DRC4: variants seen among roughly 807,000 people sequenced by gnomAD.
DRC4 encodes dynein regulatory complex subunit 4, also known as GAS-11.
chr16:90,036,338 C>T, the DRC4 span: 1 of 1,532,144 alleles, frequency 6.5e-7, no homozygotes, highest in Non-Finnish European at 8.9e-7. Context: ...GTAGGGGCAC[C>T]ACGTCTTCCT....
chr16:90,030,547 C>T, the DRC4 span, among the ~76,000 whole-genome samples: 4 of 145,844 alleles, frequency 2.7e-5, no homozygotes, highest in Non-Finnish European at 6.0e-5. Context: ...AGGGTTTTGC[C>T]ATGTTGCCTA....
chr16:90,037,944 C>A, the DRC4 span: 4 of 1,102,814 alleles, frequency 3.6e-6, no homozygotes, highest in African/African-American at 6.2e-5. Flanking sequence ...GCTGGCCCTG[C>A]AGTGGGGATG....
At chr16:90,043,975 G>C in the DRC4 span, 1 of 416,420 alleles carries the variant, frequency 2.4e-6, no homozygotes, top group South Asian at 1.8e-5. Context: ...CCTTGCTGGT[G>C]ATGGTTAAAA....
chr16:90,027,608 C>T, the DRC4 span: 3 of 1,607,640 alleles, frequency 1.9e-6, no homozygotes, highest in Non-Finnish European at 1.7e-6. Context: ...CTGTTAGAGT[C>T]TCTCTTACCC....
At chr16:90,036,484 G>C in the DRC4 span, 1 of 1,614,214 alleles carries the variant, frequency 6.2e-7, no homozygotes, top group Non-Finnish European at 8.5e-7. Flanking sequence ...AGAATGGCCA[G>C]ATCCACACGC....
At chr16:90,027,832 G>C in the DRC4 span, 2,001 of 958,200 alleles carry the variant, frequency 2.1e-3, 30 homozygotes, top group African/African-American at 0.03. Context: ...TTCTGTCCAA[G>C]CCAGAACACG....
the DRC4 span, among the ~76,000 whole-genome samples, chr16:90,027,477 G>A: frequency 1.3e-5 from 2 of 152,296 alleles, no homozygotes; most frequent in Admixed American, 1.3e-4. Flanking sequence ...TGTGTGTGTG[G>A]TAAAGGGTGG....
chr16:90,038,924 C>T, the DRC4 span, among the ~76,000 whole-genome samples: 1 of 152,234 alleles, frequency 6.6e-6, no homozygotes, highest in Admixed American at 6.5e-5. Context: ...TTATCTTGAG[C>T]CGCAGTTATA....
chr16:90,041,259 T>C, the DRC4 span, among the ~76,000 whole-genome samples: 1 of 152,244 alleles, frequency 6.6e-6, no homozygotes, highest in Non-Finnish European at 1.5e-5. Flanking sequence ...TTCCTGGTCA[T>C]TGTTACCTCG....
chr16:90,032,985 C>T, the DRC4 span: 5 of 1,361,532 alleles, frequency 3.7e-6, no homozygotes, highest in South Asian at 1.2e-5. Context: ...CCTAGTGCTG[C>T]ATGAACTCCT....
the DRC4 span, chr16:90,040,229 G>A: frequency 2.8e-6 from 4 of 1,428,630 alleles, no homozygotes; most frequent in Non-Finnish European, 3.8e-6. Context: ...AGAGGTGGGA[G>A]GCAGCATCTT....
At chr16:90,040,313 G>A in the DRC4 span, 33 of 1,588,394 alleles carry the variant, frequency 2.1e-5, no homozygotes, top group Middle Eastern at 1.7e-4. Flanking sequence ...CAGCAGGAGC[G>A]GGACGAGCTC....
At chr16:90,027,578 A>G in the DRC4 span, 2 of 1,562,366 alleles carry the variant, frequency 1.3e-6, no homozygotes, top group African/African-American at 2.7e-5. Context: ...AGCAAATCAG[A>G]GCCAGCCAAG....
the DRC4 span, among the ~76,000 whole-genome samples, chr16:90,023,061 C>CCCTG: frequency 1.3e-5 from 2 of 152,162 alleles, no homozygotes; most frequent in Admixed American, 6.5e-5. Context: ...ATGGCAGACT[C>CCCTG]GGTCTGTTGG....
chr16:90,035,263 C>A, the DRC4 span, among the ~76,000 whole-genome samples: 3 of 152,084 alleles, frequency 2.0e-5, no homozygotes, highest in Non-Finnish European at 4.4e-5. Flanking sequence ...GAACTCTTGA[C>A]CTCAAGTGAT....
the DRC4 span, chr16:90,043,638 C>T: frequency 3.5e-6 from 2 of 578,730 alleles, no homozygotes; most frequent in Admixed American, 4.4e-5. Flanking sequence ...TCAGAGTGCC[C>T]CGCACTCACC....
At chr16:90,040,511 T>G in the DRC4 span, 1 of 1,594,696 alleles carries the variant, frequency 6.3e-7, no homozygotes, top group Non-Finnish European at 8.5e-7. Flanking sequence ...AAGCTGGAGG[T>G]AGGCCCTAGA....
At chr16:90,023,756 G>A in the DRC4 span, among the ~76,000 whole-genome samples, 74 of 151,168 alleles carry the variant, frequency 4.9e-4, 5 homozygotes, top group Non-Finnish European at 8.2e-4. Context: ...CACTTTGGGA[G>A]GCCGAGGCAG....
chr16:90,044,884 G>A, the DRC4 span: 34 of 223,134 alleles, frequency 1.5e-4, no homozygotes, highest in Non-Finnish European at 2.5e-4. Flanking sequence ...CCACTTTATA[G>A]CTGGCATATA....
Sources: allele counts gnomAD v4.1 joint callset (sites outside exome capture counted in the v4.1 genomes callset), GRCh38; gene constraint gnomAD v4.1.1; transcripts MANE v1.5; gene names NCBI Gene and HGNC (gene_info 2026-07-23, HGNC 2026-07-21).